Variants in WNK2 observed in about 807,000 individuals in gnomAD.
WNK2 encodes the protein serine/threonine-protein kinase WNK2.
A neutral mutation model predicts 192.1 loss-of-function variants in WNK2; 67 were observed. The ratio of observed to expected loss-of-function variants is 0.35; its 90% CI spans 0.29 to 0.43. WNK2 has a LOEUF of 0.43. Ranked by LOEUF, WNK2 falls within the 20% of genes least tolerant of loss-of-function variation. The pLI, the probability that WNK2 is intolerant of heterozygous loss-of-function variation, is 1.00. For synonymous variants in WNK2, 1,439 were observed against 1,393.9 expected, an observed-to-expected ratio of 1.03 and a Z score of -0.72; for missense variants, 2,698 against 3,089.7, an observed-to-expected ratio of 0.87 and a Z score of 3.01.
At chr9:93,267,635 C>T in intron 16 of WNK2, 111 bp from the exon 17 acceptor site, 1 of 1,299,448 alleles carries the variant, frequency 7.7e-7, no homozygotes, top group East Asian at 2.5e-5. Context: ...CACCCTTTCA[C>T]CATTCTTCCC....
At chr9:93,292,434 G>A in intron 22 of WNK2, 38 bp downstream of exon 22, 2 of 1,613,810 alleles carry the variant, frequency 1.2e-6, no homozygotes, top group Non-Finnish European at 1.7e-6. Context: ...TGGTTGGCAG[G>A]GTTTGCTCTG....
intron 2 of WNK2, among the ~76,000 whole-genome samples, chr9:93,194,756 G>A (rs1017159178): frequency 6.6e-6 from 1 of 152,216 alleles, no homozygotes; most frequent in East Asian, 1.9e-4. Context: ...CCTGCACACG[G>A]ATGTTTATAG....
intron 7 of WNK2, among the ~76,000 whole-genome samples, chr9:93,243,128 C>A (rs1039673158): frequency 6.6e-6 from 1 of 152,162 alleles, no homozygotes; most frequent in African/African-American, 2.4e-5. Context: ...AGTGTTGCTG[C>A]CTCCACCAGA....
intron 2 of WNK2, among the ~76,000 whole-genome samples, chr9:93,222,000 T>C (rs1836984332): frequency 6.6e-6 from 1 of 152,212 alleles, no homozygotes; most frequent in Non-Finnish European, 1.5e-5. Context: ...TTTGACCCTA[T>C]GATGACACAT....
intron 28 of WNK2, chr9:93,315,821 GTGTA>G (rs1477813915): frequency 3.6e-4 from 46 of 129,556 alleles, no homozygotes; most frequent in East Asian, 3.5e-3. Context: ...GTGTGTGTGT[GTGTA>G]TATAATGGAT....
chr9:93,218,324 A>C (rs999718225), intron 2 of WNK2, among the ~76,000 whole-genome samples: 1 of 152,076 alleles, frequency 6.6e-6, no homozygotes, highest in Admixed American at 6.5e-5. Flanking sequence ...GTGCTATCCA[A>C]ATCTATCTTT....
Position 93,288,795 on chromosome 9 carries a change from G to A in WNK2, c.4041G>A (p.Ala1347=), listed in dbSNP as rs761912870. 2.9e-5 allele frequency: 47 copies of A among 1,610,018 alleles called. No homozygotes were observed. The highest frequency in any genetic ancestry group is 2.5e-4 in the South Asian group (23 of 90,488). ...SLPPEASQDS[A]PYKDQLSSKE... is the part of the protein sequence containing the mutation. The stretch of plus-strand genomic sequence containing the variant: ...TTTCCCCATTTCTTCTAGATTCAGC[G>A]CCCTATAAAGACCAGCTGTCCTCGA... Residue 1347 remains alanine, a synonymous_variant, in exon 20 of 30, where the codon GCG becomes GCA. Transcript: ENST00000427277.
Position 93,210,992 on chromosome 9 carries a change from TTC to T in WNK2, c.682-18703_682-18702del, listed in dbSNP as rs775094857. On this transcript the variant is annotated intron_variant, in intron 2 of 29. Coordinates refer to ENST00000427277, the MANE Select transcript of WNK2 (RefSeq NM_006648.4). ...ACTCCCTCCCTTCTTCACTGACTCA[TTC>T]ATTCACTCACTCACATTCACTCATT... Among the ~76,000 whole-genome samples the T allele has an allele frequency of 6.0e-5, 9 of 150,762 alleles. No individual in the cohort carries two copies. The East Asian group carries it at 9.9e-4, about 17-fold the overall frequency.
rs775516776 is a variant in WNK2 at position 93,300,058 on chromosome 9, G to A, written c.6123G>A (p.Thr2041=). The change falls in exon 26 of 30, where the codon ACG becomes ACA. Residue 2041 remains threonine, a synonymous_variant. Coordinates refer to ENST00000427277, the MANE Select transcript of WNK2 (RefSeq NM_006648.4). The part of the protein sequence containing the change: ...DGGGARGQGW[T]VYHPTSERVT... ...CTTTATATTCATTTGCAGGCTGGACGGTTTACCACCCAACGTCTGAGAGAG... is the reference window on the plus strand; with the variant it reads ...CTTTATATTCATTTGCAGGCTGGACAGTTTACCACCCAACGTCTGAGAGAG... The A allele has an allele frequency of 4.2e-5, 67 of 1,612,964 alleles. No homozygotes were observed. The highest frequency in any genetic ancestry group is 1.6e-4 in the Middle Eastern group (1 of 6,080).
intron 21 of WNK2, 82 bp downstream of exon 21, chr9:93,290,129 G>A (rs186622196): frequency 2.4e-6 from 3 of 1,260,060 alleles, no homozygotes; most frequent in African/African-American, 1.5e-5. Flanking sequence ...CCGCACCCTC[G>A]TCTTTCATCT....
At chr9:93,318,289 T>G in intron 29 of WNK2, 1 of 1,515,462 alleles carries the variant, frequency 6.6e-7, no homozygotes, top group Admixed American at 2.1e-5. Context: ...TTTGGTTTTC[T>G]GTTGTAAATG....
chr9:93,212,087 A>G (rs796441614), intron 2 of WNK2, among the ~76,000 whole-genome samples: 1 of 152,204 alleles, frequency 6.6e-6, no homozygotes, highest in Non-Finnish European at 1.5e-5. Flanking sequence ...CTCATTCATC[A>G]TCGGTTCCCT....
intron 8 of WNK2, among the ~76,000 whole-genome samples, chr9:93,250,934 G>GCCAC (rs758809699): frequency 6.6e-6 from 1 of 151,644 alleles, no homozygotes; most frequent in Non-Finnish European, 1.5e-5. Flanking sequence ...ACAGGCATGT[G>GCCAC]CCACCATGCC....
In WNK2 at chr9:93,259,482, T is replaced by G; in HGVS notation, c.2934T>G (p.Pro978=). The part of the protein sequence containing the change: ...LPPQPTRPPQ[P]VLPPQPMLPP... ...CGCAACCCACACGGCCCCCTCAACC[T>G]GTGCTGCCCCCGCAACCCATGCTGC... Residue 978 remains proline (P), a synonymous_variant, in exon 12 of 30, where the codon CCT becomes CCG. Transcript: ENST00000427277. This position sits in a 1 kb window ranked among gnomAD's most constrained non-coding sequence, Gnocchi z 4.8. 6 of 932,908 alleles carry G rather than the reference T, an allele frequency of 6.4e-6. No homozygotes were observed. Among genetic ancestry groups the G allele is most frequent in the Non-Finnish European group, 5.7e-6 (4 of 702,570 alleles). 57.8% of individuals were successfully genotyped at this position (932,908 alleles called of 1,614,324 possible). A position where few individuals can be genotyped will look rare whatever the true frequency, so the allele number is the denominator to read the frequency against.
intron 2 of WNK2, among the ~76,000 whole-genome samples, chr9:93,201,660 A>T (rs1472655298): frequency 2.6e-5 from 4 of 152,164 alleles, no homozygotes; most frequent in Non-Finnish European, 4.4e-5. Flanking sequence ...CCAGGGCTAC[A>T]TGCTGGACCA....
At chr9:93,258,637 A>G (rs761746938) in intron 11 of WNK2, among the ~76,000 whole-genome samples, 10 of 152,132 alleles carry the variant, frequency 6.6e-5, no homozygotes, top group Non-Finnish European at 1.5e-4. Context: ...GAGTGTGGAC[A>G]CAGGGAGGCC....
intron 4 of WNK2, 41 bp downstream of exon 4, chr9:93,231,149 G>T: frequency 6.3e-7 from 1 of 1,583,364 alleles, no homozygotes; most frequent in Non-Finnish European, 8.7e-7. Flanking sequence ...GAGCCCATGA[G>T]AAGCTGGGCA....
Position 93,290,575 on chromosome 9 carries a change from G to A in WNK2, c.4936+528G>A, listed in dbSNP as rs191069106. Among the ~76,000 whole-genome samples, 9 of 152,340 alleles carry A rather than the reference G, an allele frequency of 5.9e-5. No individual in the cohort carries two copies. In the East Asian group the frequency reaches 1.2e-3, roughly 20 times the overall value. ...GGGTGCTGGGATGTTGCAGGGACAC[G>A]TCACAGCTCCTGGACTCTCCAGTGG... is the stretch of plus-strand genomic sequence containing the variant. On this transcript the variant is annotated intron_variant, in intron 21 of 29. Coordinates refer to ENST00000427277, the MANE Select transcript of WNK2 (RefSeq NM_006648.4).
In WNK2 at chr9:93,259,417, C is replaced by T. The variant is rs1416269683; in HGVS notation, c.2869C>T (p.Pro957Ser). 1.5e-6 allele frequency: 2 copies of T among 1,331,408 alleles called. No homozygotes were observed. The highest frequency in any genetic ancestry group is 1.2e-5 in the South Asian group (1 of 82,526). The allele number at this position is 1,331,408 out of a possible 1,614,324, so 82.5% of individuals were successfully genotyped here. Reference protein sequence around the residue: ...QPTLPPQPVLPPQPTLPPQPV... With the variant: ...QPTLPPQPVLSPQPTLPPQPV... ...CACACTGCCCCCACAACCCGTGCTG[C>T]CCCCGCAACCCACGCTGCCCCCTCA... Residue 957 changes from proline (P) to serine (S), a missense_variant, in exon 12 of 30, where the codon CCC becomes TCC. By Grantham distance (74) the Pro-to-Ser change is moderately conservative. Transcript: ENST00000427277. The surrounding 1 kb of genome is among the most constrained non-coding windows in gnomAD (Gnocchi z 4.8).
Sources: gnomAD v4.1 joint callset for allele counts (sites outside exome capture counted in the v4.1 genomes callset) on GRCh38, gnomAD v4.1.1 for gene constraint, Gnocchi (gnomAD v3.1) non-coding constraint, MANE v1.5 for transcripts, NCBI Gene and HGNC (gene_info 2026-07-23, HGNC 2026-07-21) for gene names.